The following INTS4 variants were observed in gnomAD, a reference collection of about 807,000 sequenced individuals.
The protein encoded by INTS4 is integrator complex subunit 4.
In INTS4, 70 loss-of-function variants were observed where a neutral mutation model predicts 119.5. That is an observed-to-expected ratio of 0.59 (90% CI 0.48 to 0.71). The LOEUF (loss-of-function observed/expected upper bound fraction) is 0.71. Ranked by LOEUF, INTS4 falls within the 30% of genes least tolerant of loss-of-function variation. The pLI is 0.00. For synonymous variants in INTS4, 316 were observed against 419.6 expected (o/e 0.75, Z 3.02); for missense variants, 867 against 1,173.2 (o/e 0.74, Z 3.81).
downstream of INTS4, among the ~76,000 whole-genome samples, chr11:77,877,867 G>T (rs771456937): frequency 2.0e-5 from 3 of 152,004 alleles, no homozygotes; most frequent in Non-Finnish European, 2.9e-5. Context: ...TTATAGGCAT[G>T]AGCCACAGCC....
At chr11:77,973,224 A>C (rs1855802033) in intron 4 of INTS4, among the ~76,000 whole-genome samples, 1 of 152,222 alleles carries the variant, frequency 6.6e-6, no homozygotes. Flanking sequence ...AAGTGTATAT[A>C]AATACAATTT....
chr11:77,930,583 G>A (rs1017022057), intron 10 of INTS4, among the ~76,000 whole-genome samples: 1 of 152,222 alleles, frequency 6.6e-6, no homozygotes, highest in Admixed American at 6.5e-5. Flanking sequence ...TGTGACCTCA[G>A]CTGATACAAT....
intron 21 of INTS4, among the ~76,000 whole-genome samples, chr11:77,885,774 G>A (rs1429927641): frequency 3.9e-5 from 6 of 151,910 alleles, no homozygotes; most frequent in South Asian, 2.1e-4. Context: ...AGCTGAGATC[G>A]CTGCCACTGC....
chr11:77,981,719 C>T (rs1856229195), intron 2 of INTS4, 143 bp from the exon 3 acceptor site: 1 of 384,994 alleles, frequency 2.6e-6, no homozygotes, highest in Admixed American at 4.2e-5. Flanking sequence ...ATTTTATATA[C>T]TTCTGGAGAG....
intron 18 of INTS4, among the ~76,000 whole-genome samples, chr11:77,900,100 CTTTTT>C (rs139576778): frequency 6.8e-6 from 1 of 147,458 alleles, no homozygotes; most frequent in African/African-American, 2.5e-5. Flanking sequence ...ATATGAATAT[CTTTTT>C]TTTTTTTATA....
intron 4 of INTS4, among the ~76,000 whole-genome samples, chr11:77,973,650 T>C (rs1268219698): frequency 6.6e-6 from 1 of 152,156 alleles, no homozygotes; most frequent in African/African-American, 2.4e-5. Flanking sequence ...ATATTTTATG[T>C]GTTCTTATAA....
At chr11:77,980,528 G>A (rs987062777) in intron 3 of INTS4, among the ~76,000 whole-genome samples, 4 of 152,118 alleles carry the variant, frequency 2.6e-5, no homozygotes, top group African/African-American at 9.7e-5. Flanking sequence ...AAAGGTGTGA[G>A]CAACCATGTT....
chr11:77,994,390 A>T (rs1591161249), intron 1 of INTS4, among the ~76,000 whole-genome samples, 200 bp downstream of exon 1: 1 of 152,312 alleles, frequency 6.6e-6, no homozygotes, highest in Non-Finnish European at 1.5e-5. Flanking sequence ...TAATTTTTTT[A>T]AAATCCTGTC....
intron 8 of INTS4, among the ~76,000 whole-genome samples, chr11:77,951,343 C>G (rs545962498): frequency 6.6e-6 from 1 of 152,204 alleles, no homozygotes; most frequent in East Asian, 1.9e-4. Context: ...GAACAGAACC[C>G]TCAGAAATAA....
intron 16 of INTS4, among the ~76,000 whole-genome samples, chr11:77,904,120 A>G (rs1484045513): frequency 6.6e-6 from 1 of 152,200 alleles, no homozygotes; most frequent in African/African-American, 2.4e-5. Flanking sequence ...ATCTTTCTAC[A>G]TTCAAAACCA....
At chr11:77,898,872 T>C (rs1952647915) in intron 18 of INTS4, among the ~76,000 whole-genome samples, 1 of 151,912 alleles carries the variant, frequency 6.6e-6, no homozygotes, top group African/African-American at 2.4e-5. Flanking sequence ...ATAAAAAAAT[T>C]AGCTGAGTGT....
At chr11:77,983,684 T>C (rs879274722) in intron 2 of INTS4, among the ~76,000 whole-genome samples, 10 of 152,298 alleles carry the variant, frequency 6.6e-5, no homozygotes, top group Admixed American at 6.5e-4. Context: ...AAAACAAGTG[T>C]TGGCGAGGAT....
chr11:77,902,975 G>A (rs1260124468), intron 17 of INTS4, among the ~76,000 whole-genome samples: 2 of 152,184 alleles, frequency 1.3e-5, no homozygotes, highest in African/African-American at 4.8e-5. Flanking sequence ...TCACCATGTT[G>A]GCCAGGCCGG....
chr11:77,891,092 C>G (rs933141059), intron 21 of INTS4, among the ~76,000 whole-genome samples: 1 of 152,158 alleles, frequency 6.6e-6, no homozygotes, highest in African/African-American at 2.4e-5. Context: ...TATGTCAACT[C>G]CTCCTATTTG....
intron 5 of INTS4, among the ~76,000 whole-genome samples, chr11:77,960,688 T>C (rs1049095286): frequency 8.6e-5 from 13 of 152,028 alleles, no homozygotes; most frequent in African/African-American, 3.1e-4. Context: ...TCATACCAAG[T>C]CATATGCCTC....
At chr11:77,923,669 G>A (rs1211664049) in intron 12 of INTS4, among the ~76,000 whole-genome samples, 1 of 151,564 alleles carries the variant, frequency 6.6e-6, no homozygotes, top group African/African-American at 2.4e-5. Context: ...CACATAGTAA[G>A]AACTCAATGT....
chr11:77,964,452 T>C (rs1855396167), intron 4 of INTS4, among the ~76,000 whole-genome samples: 1 of 151,548 alleles, frequency 6.6e-6, no homozygotes, highest in Admixed American at 6.6e-5. Flanking sequence ...CGGGCACCTG[T>C]AGTCCCAGCT....
At chr11:77,944,568 A>G (rs1378560402) in intron 8 of INTS4, among the ~76,000 whole-genome samples, 5 of 152,222 alleles carry the variant, frequency 3.3e-5, no homozygotes. Context: ...CTGATTAGCT[A>G]TCCCTGGCTA....
chr11:77,896,509 G>A (rs575688030), intron 18 of INTS4, among the ~76,000 whole-genome samples: 9 of 152,102 alleles, frequency 5.9e-5, no homozygotes, highest in South Asian at 2.1e-4. Context: ...AAAATTAGCC[G>A]GGTACAGTGG....
Sources: gnomAD v4.1 joint callset for allele counts (sites outside exome capture counted in the v4.1 genomes callset) on GRCh38, gnomAD v4.1.1 for gene constraint, MANE v1.5 for transcripts, NCBI Gene and HGNC (gene_info 2026-07-23, HGNC 2026-07-21) for gene names.